Variants in ZNF804B observed in about 807,000 individuals in gnomAD.
ZNF804B encodes zinc finger protein 804B.
A neutral mutation model predicts 101.4 loss-of-function variants in ZNF804B; 80 were observed. The observed-to-expected ratio is 0.79, with a 90% CI of 0.66 to 0.95. The LOEUF (loss-of-function observed/expected upper bound fraction) is 0.95, where lower values mean the gene tolerates loss of function less well. Ranked by LOEUF, ZNF804B falls within the 40% of genes least tolerant of loss-of-function variation. The pLI, the probability that ZNF804B is intolerant of heterozygous loss-of-function variation, is 0.00. For synonymous variants in ZNF804B, 622 were observed against 558.8 expected (o/e 1.11, Z -1.59); for missense variants, 1,673 against 1,561.9 (o/e 1.07, Z -1.20).
intron 1 of ZNF804B, among the ~76,000 whole-genome samples, chr7:88,898,073 C>CTTTTTTTTTTTT (rs869050718): frequency 5.3e-5 from 3 of 56,572 alleles, no homozygotes; most frequent in Non-Finnish European, 6.0e-5. Context: ...ACTTCTCCAT[C>CTTTTTTTTTTTT]TTTTTTTTTT....
At chr7:89,031,587 T>G (rs745773155) in intron 1 of ZNF804B, among the ~76,000 whole-genome samples, 6 of 151,918 alleles carry the variant, frequency 3.9e-5, no homozygotes, top group Non-Finnish European at 5.9e-5. Context: ...CATCCTAATT[T>G]TTTTTCCTTG....
chr7:88,945,549 CT>C (rs1793115857), intron 1 of ZNF804B, among the ~76,000 whole-genome samples: 1 of 152,074 alleles, frequency 6.6e-6, no homozygotes, highest in African/African-American at 2.4e-5. Context: ...GTTCTTTTTG[CT>C]GAGGATTGCC....
chr7:88,870,139 C>T (rs1360520657), intron 1 of ZNF804B, among the ~76,000 whole-genome samples: 1 of 151,496 alleles, frequency 6.6e-6, no homozygotes, highest in Non-Finnish European at 1.5e-5. Flanking sequence ...GTAATCCCAG[C>T]ACTTTGGGAG....
At chr7:88,914,476 A>G (rs898884996) in intron 1 of ZNF804B, among the ~76,000 whole-genome samples, 2 of 152,124 alleles carry the variant, frequency 1.3e-5, no homozygotes, top group Non-Finnish European at 2.9e-5. Context: ...TGGAATACCA[A>G]TTTTTTGACC....
At chr7:89,109,759 A>G (rs1583991611) in intron 1 of ZNF804B, among the ~76,000 whole-genome samples, 1 of 152,040 alleles carries the variant, frequency 6.6e-6, no homozygotes, top group South Asian at 2.1e-4. Context: ...CTGACCTTCT[A>G]TTTTGTTAGC....
chr7:89,011,470 C>T (rs1224520479), intron 1 of ZNF804B, among the ~76,000 whole-genome samples: 1 of 152,132 alleles, frequency 6.6e-6, no homozygotes, highest in East Asian at 1.9e-4. Flanking sequence ...TCATCTGAGA[C>T]AAGGAAGTCT....
intron 2 of ZNF804B, among the ~76,000 whole-genome samples, chr7:89,280,992 T>C (rs1044735289): frequency 1.3e-5 from 2 of 152,194 alleles, no homozygotes; most frequent in African/African-American, 4.8e-5. Flanking sequence ...TTGTAGTAAA[T>C]TTCAAAAATA....
chr7:89,082,277 G>T (rs989905497), intron 1 of ZNF804B, among the ~76,000 whole-genome samples: 1 of 151,604 alleles, frequency 6.6e-6, no homozygotes, highest in Non-Finnish European at 1.5e-5. Flanking sequence ...ATGCAAAATA[G>T]ATAATTTTTA....
intron 1 of ZNF804B, among the ~76,000 whole-genome samples, chr7:88,792,096 A>G (rs1230359680): frequency 6.6e-6 from 1 of 152,110 alleles, no homozygotes; most frequent in Non-Finnish European, 1.5e-5. Context: ...GCTAGCATTC[A>G]AGTGAGCAAG....
At chr7:88,921,370 G>A (rs952510037) in intron 1 of ZNF804B, among the ~76,000 whole-genome samples, 5 of 152,088 alleles carry the variant, frequency 3.3e-5, no homozygotes, top group Admixed American at 1.3e-4. Context: ...CCCGAGGTCC[G>A]TCCTTTCATC....
Position 89,338,150 on chromosome 7 carries a change from T to C in ZNF804B, c.*1118T>C, listed in dbSNP as rs1791134014. Among the ~76,000 whole-genome samples, 1 of 152,080 alleles carries C rather than the reference T, an allele frequency of 6.6e-6. No homozygotes were observed. The highest frequency in any genetic ancestry group is 1.5e-5 in the Non-Finnish European group (1 of 67,958). The stretch of plus-strand genomic sequence containing the variant: ...CTATATTGGTGCATAATCCTACAGT[T>C]AGGTTTATTATTTTATGTTCTTAAG... On this transcript the variant is annotated 3_prime_UTR_variant, in exon 4 of 4. Coordinates refer to ENST00000333190, the MANE Select transcript of ZNF804B (RefSeq NM_181646.5).
At chr7:89,309,303 T>C (rs1790614533) in intron 2 of ZNF804B, among the ~76,000 whole-genome samples, 1 of 152,192 alleles carries the variant, frequency 6.6e-6, no homozygotes, top group South Asian at 2.1e-4. Context: ...GCTGCATCCA[T>C]GTTGCTGCAA....
intron 1 of ZNF804B, among the ~76,000 whole-genome samples, chr7:89,062,512 A>G (rs1314368799): frequency 6.6e-6 from 1 of 152,080 alleles, no homozygotes; most frequent in Non-Finnish European, 1.5e-5. Context: ...TTATTTATAT[A>G]TTGATATTTT....
At chr7:89,064,838 G>T (rs886513187) in intron 1 of ZNF804B, among the ~76,000 whole-genome samples, 1 of 152,124 alleles carries the variant, frequency 6.6e-6, no homozygotes, top group Non-Finnish European at 1.5e-5. Context: ...GAATTCGATT[G>T]TCTGGTGGAC....
intron 2 of ZNF804B, among the ~76,000 whole-genome samples, chr7:89,253,026 T>C (rs1384115661): frequency 2.0e-5 from 3 of 151,804 alleles, no homozygotes; most frequent in East Asian, 3.9e-4. Context: ...AAGATGAAAG[T>C]TGACATTATT....
At chr7:89,024,661 GAAAA>G (rs67321242) in intron 1 of ZNF804B, among the ~76,000 whole-genome samples, 2 of 70,122 alleles carry the variant, frequency 2.9e-5, no homozygotes, top group African/African-American at 6.1e-5. Flanking sequence ...TATCATTCTT[GAAAA>G]AAAAAAAAAA....
intron 2 of ZNF804B, among the ~76,000 whole-genome samples, chr7:89,271,748 C>A (rs978522155): frequency 6.6e-6 from 1 of 152,050 alleles, no homozygotes; most frequent in Non-Finnish European, 1.5e-5. Flanking sequence ...AATTTCAGAG[C>A]CTGTTACTGG....
chr7:89,156,063 T>TCTTG (rs1790966373), intron 1 of ZNF804B, among the ~76,000 whole-genome samples: 1 of 75,148 alleles, frequency 1.3e-5, no homozygotes, highest in African/African-American at 4.5e-5. Flanking sequence ...TTTCTTTCTT[T>TCTTG]CTTTCTTTCT....
intron 1 of ZNF804B, among the ~76,000 whole-genome samples, chr7:89,109,262 C>G (rs987003031): frequency 2.6e-5 from 4 of 152,132 alleles, no homozygotes; most frequent in African/African-American, 9.7e-5. Flanking sequence ...ATTCGTTACA[C>G]AAGCACATTG....
Sources: allele counts gnomAD v4.1 joint callset (sites outside exome capture counted in the v4.1 genomes callset), GRCh38; gene constraint gnomAD v4.1.1; transcripts MANE v1.5; gene names NCBI Gene and HGNC (gene_info 2026-07-23, HGNC 2026-07-21).